CDIN1: variants seen among roughly 807,000 people sequenced by gnomAD.
CDIN1 encodes the protein CDAN1-interacting nuclease 1.
A neutral mutation model predicts 45.3 loss-of-function variants in CDIN1; 33 were observed. That is an observed-to-expected ratio of 0.73 (90% CI 0.55 to 0.97). The LOEUF is 0.97. Ranked by LOEUF, CDIN1 falls within the 50% of genes least tolerant of loss-of-function variation. The pLI is 0.00. For missense variants in CDIN1, 303 were observed against 339.4 expected (o/e 0.89, Z 0.84); for synonymous variants, 118 against 124.4 (o/e 0.95, Z 0.34).
chr15:36,608,286 C>T (rs2038475059), intron 1 of CDIN1, among the ~76,000 whole-genome samples: 1 of 152,148 alleles, frequency 6.6e-6, no homozygotes, highest in Admixed American at 6.5e-5. Context: ...TTACGTTTCT[C>T]CATAGGAATG....
chr15:36,630,990 G>A (rs2039655527), intron 1 of CDIN1, among the ~76,000 whole-genome samples: 2 of 152,090 alleles, frequency 1.3e-5, no homozygotes, highest in African/African-American at 2.4e-5. Context: ...CTTCAACACC[G>A]GTAACCAACC....
intron 5 of CDIN1, among the ~76,000 whole-genome samples, chr15:36,680,135 A>G (rs1037391296): frequency 2.0e-5 from 3 of 152,162 alleles, no homozygotes; most frequent in Admixed American, 6.5e-5. Context: ...CAGGATAACA[A>G]TGCATTTTAT....
At chr15:36,755,427 T>G (rs1463952474) in intron 10 of CDIN1, among the ~76,000 whole-genome samples, 1 of 152,214 alleles carries the variant, frequency 6.6e-6, no homozygotes, top group Non-Finnish European at 1.5e-5. Context: ...TTGTTCATAT[T>G]TGGCTTCAGC....
intron 10 of CDIN1, among the ~76,000 whole-genome samples, chr15:36,797,616 T>C (rs1464037667): frequency 6.6e-6 from 1 of 152,166 alleles, no homozygotes; most frequent in African/African-American, 2.4e-5. Context: ...ATCCCAGCAA[T>C]CTTGCAATTC....
chr15:36,616,677 G>A (rs908227801), intron 1 of CDIN1, among the ~76,000 whole-genome samples: 3 of 152,132 alleles, frequency 2.0e-5, no homozygotes. Flanking sequence ...CACTTTGGGA[G>A]GCTGAGGTGG....
chr15:36,599,153 C>A (rs1296669498), intron 1 of CDIN1, among the ~76,000 whole-genome samples: 1 of 150,552 alleles, frequency 6.6e-6, no homozygotes, highest in Non-Finnish European at 1.5e-5. Flanking sequence ...CTAACTAGTA[C>A]CCTGCAAAGG....
rs543061185 is a variant in CDIN1 at position 36,733,968 on chromosome 15, G to A, written c.716+24007G>A. On this transcript the variant is annotated intron_variant, in intron 10 of 10. Coordinates refer to ENST00000566621, the MANE Select transcript of CDIN1 (RefSeq NM_001321759.2). ...TCTTAAAAATGTTATAAAACTTCAT[G>A]TTAATATATTAATAGGGGTATTGTC... Among the ~76,000 whole-genome samples, 5 of 152,130 alleles carry A rather than the reference G, an allele frequency of 3.3e-5. No individual in the cohort carries two copies. The South Asian group carries it at 1.0e-3, about 32-fold the overall frequency.
In CDIN1 at chr15:36,709,871, T is replaced by C. The variant is rs756939575; in HGVS notation, c.626T>C (p.Ile209Thr). The change falls in exon 10 of 11, where the codon ATA becomes ACA. Residue 209 changes from isoleucine to threonine, a missense_variant. Ile to Thr is a moderately conservative substitution (Grantham distance 89). Coordinates refer to ENST00000566621, the MANE Select transcript of CDIN1 (RefSeq NM_001321759.2). The stretch of plus-strand genomic sequence containing the variant: ...TGTCCCTTAGCTGTAGAAGGGCACA[T>C]AATTCACTGGATTGAAAGCAAAGCC... ...LQVPVAVEGH[I>T]IHWIESKASF... 1.2e-6 allele frequency: 2 copies of C among 1,613,358 alleles called. No homozygotes were observed. The highest frequency in any genetic ancestry group is 1.1e-5 in the South Asian group (1 of 91,048).
intron 5 of CDIN1, among the ~76,000 whole-genome samples, chr15:36,682,767 C>CAAAAAAAAAAAAAAAAAAA (rs10706117): frequency 3.3e-5 from 2 of 61,394 alleles, no homozygotes; most frequent in Admixed American, 1.7e-4. Context: ...AAGACCCTGC[C>CAAAAAAAAAAAAAAAAAAA]AAAAAAAAAA....
rs117014795 is a variant in CDIN1 at position 36,691,790 on chromosome 15, A to G, written c.426+26A>G. The G allele has an allele frequency of 3.6e-3, 5,386 of 1,492,046 alleles. 160 individuals are homozygous for G. The East Asian group carries it at 0.076, about 21-fold the overall frequency. The allele number at this position is 1,492,046 out of a possible 1,614,324, so 92.4% of individuals were successfully genotyped here. A position where few individuals can be genotyped will look rare whatever the true frequency, so the allele number is the denominator to read the frequency against. On this transcript the variant is annotated intron_variant, in intron 6 of 10. Transcript: ENST00000566621. ...GTATTAATCACAGCTGTCTATTTTC[A>G]GTGGCAATGCTGTTATCTGCCTAGC...
chr15:36,772,729 C>T (rs1054271246), intron 10 of CDIN1, among the ~76,000 whole-genome samples: 120 of 152,300 alleles, frequency 7.9e-4, no homozygotes, highest in African/African-American at 2.6e-3. Flanking sequence ...AGAGGGTGAC[C>T]TTTTCCAGTC....
chr15:36,719,186 T>C (rs2043321183), intron 10 of CDIN1, among the ~76,000 whole-genome samples: 1 of 152,112 alleles, frequency 6.6e-6, no homozygotes, highest in Non-Finnish European at 1.5e-5. Context: ...CATACCACAC[T>C]GCACACTAGC....
chr15:36,700,023 C>T (rs949911653), intron 8 of CDIN1, among the ~76,000 whole-genome samples: 1 of 152,044 alleles, frequency 6.6e-6, no homozygotes, highest in Non-Finnish European at 1.5e-5. Context: ...AAATAAGTTA[C>T]TAAGTTGGAT....
At chr15:36,687,296 A>G (rs1216351199) in intron 5 of CDIN1, among the ~76,000 whole-genome samples, 1 of 152,198 alleles carries the variant, frequency 6.6e-6, no homozygotes, top group Non-Finnish European at 1.5e-5. Flanking sequence ...AAAATCCAAC[A>G]AAATACTATT....
chr15:36,767,166 C>T (rs2053948378), intron 10 of CDIN1, among the ~76,000 whole-genome samples: 1 of 70,870 alleles, frequency 1.4e-5, no homozygotes, highest in Admixed American at 2.1e-4. Context: ...GTCCAATTTT[C>T]CCAGCAGTTA....
At chr15:36,643,407 T>G (rs1332318042) in intron 1 of CDIN1, among the ~76,000 whole-genome samples, 4 of 152,222 alleles carry the variant, frequency 2.6e-5, no homozygotes, top group African/African-American at 9.6e-5. Context: ...TGGCATACTA[T>G]AAAAGTCGAA....
At chr15:36,617,258 A>G (rs1466693124) in intron 1 of CDIN1, 4 of 981,246 alleles carry the variant, frequency 4.1e-6, no homozygotes, top group African/African-American at 1.6e-5. Flanking sequence ...CCTGAGGTTA[A>G]TGCAGAGCTC....
intron 10 of CDIN1, among the ~76,000 whole-genome samples, chr15:36,748,125 C>G (rs2044511944): frequency 6.6e-6 from 1 of 152,178 alleles, no homozygotes; most frequent in African/African-American, 2.4e-5. Flanking sequence ...CAATTTCTCT[C>G]TCTTTTCTTA....
intron 10 of CDIN1, among the ~76,000 whole-genome samples, chr15:36,751,229 T>TCATATATATA (rs1555404178): frequency 2.0e-5 from 2 of 97,612 alleles, no homozygotes; most frequent in Non-Finnish European, 3.8e-5. Flanking sequence ...TATGCTTATT[T>TCATATATATA]TATATATATA....
Sources: allele counts gnomAD v4.1 joint callset (sites outside exome capture counted in the v4.1 genomes callset), GRCh38; gene constraint gnomAD v4.1.1; transcripts MANE v1.5; gene names NCBI Gene and HGNC (gene_info 2026-07-23, HGNC 2026-07-21).